TMEFF2: variants seen among roughly 807,000 people sequenced by gnomAD.
The protein encoded by TMEFF2 is tomoregulin-2.
Under a neutral mutation model 53.8 loss-of-function variants are expected in TMEFF2, and 28 were observed. The ratio of observed to expected loss-of-function variants is 0.52; its 90% CI spans 0.39 to 0.71. TMEFF2 has a LOEUF of 0.71. Ranked by LOEUF, TMEFF2 falls within the 30% of genes least tolerant of loss-of-function variation. The pLI is 0.00. For synonymous variants in TMEFF2, 162 were observed against 166.3 expected (o/e 0.97, Z 0.20); for missense variants, 353 against 455.2 (o/e 0.78, Z 2.04).
rs185777089 is a variant in TMEFF2 at position 192,117,556 on chromosome 2, C to T, written c.440-59781G>A. On this transcript the variant is annotated intron_variant, in intron 4 of 9. Transcript: ENST00000272771. The stretch of plus-strand genomic sequence containing the variant: ...AGAATAGGGTCTGGAGGCAGAGAAC[C>T]TAAGGCTGATTAAGGCTAGCTTCCT... 2.0e-5 allele frequency among the ~76,000 whole-genome samples: 3 copies of T among 152,060 alleles called. No individual in the cohort carries two copies. In the East Asian group the frequency reaches 5.8e-4, roughly 29 times the overall value.
intron 5 of TMEFF2, among the ~76,000 whole-genome samples, chr2:192,000,079 G>A (rs1012900854): frequency 6.6e-6 from 1 of 151,946 alleles, no homozygotes; most frequent in African/African-American, 2.4e-5. Flanking sequence ...TTATATGATT[G>A]TTCCTATATC....
intron 4 of TMEFF2, among the ~76,000 whole-genome samples, chr2:192,064,339 T>C (rs1016001573): frequency 2.6e-5 from 4 of 151,890 alleles, no homozygotes; most frequent in African/African-American, 7.2e-5. Flanking sequence ...GTCATGTATT[T>C]TATTTCTACC....
chr2:192,031,053 A>G (rs1370453380), intron 5 of TMEFF2, among the ~76,000 whole-genome samples: 1 of 152,170 alleles, frequency 6.6e-6, no homozygotes, highest in Non-Finnish European at 1.5e-5. Context: ...TGATAGTCAT[A>G]GGGTTTGTTT....
At chr2:192,080,164 T>C (rs1688519081) in intron 4 of TMEFF2, among the ~76,000 whole-genome samples, 1 of 152,174 alleles carries the variant, frequency 6.6e-6, no homozygotes, top group Non-Finnish European at 1.5e-5. Context: ...TTTAGGAACT[T>C]ATGTGGCACA....
intron 5 of TMEFF2, among the ~76,000 whole-genome samples, chr2:192,004,303 A>G (rs1686444940): frequency 6.6e-6 from 1 of 152,146 alleles, no homozygotes; most frequent in African/African-American, 2.4e-5. Flanking sequence ...GGAAACAAAC[A>G]GTTAGTAATC....
chr2:191,992,865 A>T (rs973291996), intron 7 of TMEFF2: 30 of 152,154 alleles, frequency 2.0e-4, no homozygotes, highest in Admixed American at 5.9e-4. Context: ...CATCATGATG[A>T]AATATTTTTG....
At chr2:191,977,767 G>T (rs1293332623) in intron 7 of TMEFF2, among the ~76,000 whole-genome samples, 1 of 152,140 alleles carries the variant, frequency 6.6e-6, no homozygotes, top group Non-Finnish European at 1.5e-5. Context: ...AAACAGAGTT[G>T]CTGACTCAAT....
intron 5 of TMEFF2, among the ~76,000 whole-genome samples, chr2:192,049,655 C>A (rs892555214): frequency 6.6e-6 from 1 of 152,020 alleles, no homozygotes; most frequent in Non-Finnish European, 1.5e-5. Flanking sequence ...AGGCAACCTA[C>A]CATTAACAGG....
intron 4 of TMEFF2, among the ~76,000 whole-genome samples, chr2:192,069,403 A>G (rs1042313619): frequency 2.0e-5 from 3 of 151,824 alleles, no homozygotes; most frequent in Admixed American, 2.0e-4. Context: ...ACACACAAAA[A>G]AAATAGATAA....
intron 4 of TMEFF2, among the ~76,000 whole-genome samples, chr2:192,137,245 G>A (rs1690032611): frequency 6.6e-6 from 1 of 152,104 alleles, no homozygotes; most frequent in Non-Finnish European, 1.5e-5. Context: ...GTGAGGGTGG[G>A]GTACCCAAGA....
intron 4 of TMEFF2, among the ~76,000 whole-genome samples, chr2:192,170,841 A>T (rs979974366): frequency 2.0e-5 from 3 of 152,090 alleles, no homozygotes; most frequent in African/African-American, 7.2e-5. Flanking sequence ...TTGAGCCAGG[A>T]TGCCAACATT....
At chr2:191,994,998 T>G (rs1359190768) in intron 7 of TMEFF2, among the ~76,000 whole-genome samples, 2 of 151,988 alleles carry the variant, frequency 1.3e-5, no homozygotes, top group Non-Finnish European at 2.9e-5. Flanking sequence ...AGCAAATTCT[T>G]TGGTTTCCTA....
chr2:192,107,793 A>G (rs1258502086), intron 4 of TMEFF2, among the ~76,000 whole-genome samples: 1 of 151,792 alleles, frequency 6.6e-6, no homozygotes, highest in African/African-American at 2.4e-5. Flanking sequence ...AAATTCCTGT[A>G]TCCCAATAAA....
At chr2:192,129,634 CAT>C (rs1689764641) in intron 4 of TMEFF2, among the ~76,000 whole-genome samples, 1 of 151,948 alleles carries the variant, frequency 6.6e-6, no homozygotes, top group Non-Finnish European at 1.5e-5. Flanking sequence ...AAGGAAATGC[CAT>C]ATTTATGGTG....
chr2:192,041,362 A>G (rs766798165), intron 5 of TMEFF2, among the ~76,000 whole-genome samples: 1 of 152,228 alleles, frequency 6.6e-6, no homozygotes, highest in African/African-American at 2.4e-5. Context: ...ATACAAATAA[A>G]AAGAGACCAA....
chr2:192,076,172 TC>T (rs959912688), intron 4 of TMEFF2, among the ~76,000 whole-genome samples: 1 of 152,106 alleles, frequency 6.6e-6, no homozygotes, highest in Non-Finnish European at 1.5e-5. Flanking sequence ...AGTCTTTTTT[TC>T]CAACTTAGTA....
intron 5 of TMEFF2, among the ~76,000 whole-genome samples, chr2:192,032,825 C>T (rs539642516): frequency 4.3e-4 from 66 of 152,224 alleles, no homozygotes; most frequent in African/African-American, 1.5e-3. Flanking sequence ...CTCACAGGGT[C>T]CTTTTGAGTA....
In TMEFF2 at chr2:191,962,831, G is replaced by A. The variant is rs141463486; in HGVS notation, c.746-6453C>T. Reference sequence around the variant, plus strand: ...CTCGGCAATGCCCTGCCTGGCTTTCGATGGCAGAGCCCTCAGAAGAGTGAA... The same window carrying A: ...CTCGGCAATGCCCTGCCTGGCTTTCAATGGCAGAGCCCTCAGAAGAGTGAA... On this transcript the variant is annotated intron_variant, in intron 7 of 9. Coordinates refer to ENST00000272771, the MANE Select transcript of TMEFF2 (RefSeq NM_016192.4). Among the ~76,000 whole-genome samples the A allele has an allele frequency of 3.8e-3, 580 of 152,176 alleles. 3 individuals carry two copies. Among genetic ancestry groups the A allele is most frequent in the African/African-American group, 0.014 (561 of 41,486 alleles).
intron 5 of TMEFF2, among the ~76,000 whole-genome samples, chr2:192,004,679 CATATA>C (rs1410834153): frequency 6.6e-6 from 1 of 152,128 alleles, no homozygotes; most frequent in Non-Finnish European, 1.5e-5. Context: ...TAGCAATTAT[CATATA>C]ATGTAATGGT....
Sources: allele counts gnomAD v4.1 joint callset (sites outside exome capture counted in the v4.1 genomes callset), GRCh38; gene constraint gnomAD v4.1.1; transcripts MANE v1.5; gene names NCBI Gene and HGNC (gene_info 2026-07-23, HGNC 2026-07-21).